The following CCDC85A variants were observed in gnomAD, a reference collection of about 807,000 sequenced individuals.
CCDC85A encodes the protein coiled-coil domain-containing protein 85A.
CCDC85A carries 38 observed loss-of-function variants against 50.2 expected under a neutral mutation model. That is an observed-to-expected ratio of 0.76 (90% CI 0.58 to 0.99). The LOEUF (loss-of-function observed/expected upper bound fraction) is 0.99, where lower values mean the gene tolerates loss of function less well. Among genes scored for constraint, CCDC85A ranks in the 50% least tolerant of loss-of-function variants. The probability of loss-of-function intolerance (pLI) is 0.00; values close to 1 mark genes in which losing one functional copy is unlikely to be tolerated. For missense variants in CCDC85A, 820 were observed against 742.0 expected (o/e 1.11, Z -1.22); for synonymous variants, 366 against 301.4 (o/e 1.21, Z -2.22).
In CCDC85A at chr2:56,184,743, CGGACGA is replaced by C; in HGVS notation, c.123_128del (p.Asp41_Glu42del). ...CCGGTGGAGGACCTGTCCAAAGTGT[CGGACGA>C]GGAGCTGCTGCAGTGGAGCAAGGAG... On this transcript the variant is annotated inframe_deletion, in exon 1 of 6. Coordinates refer to ENST00000407595, the MANE Select transcript of CCDC85A (RefSeq NM_001080433.2). 6.5e-7 allele frequency: 1 copy of C among 1,543,224 alleles called. No individual in the cohort carries two copies. Among genetic ancestry groups the C allele is most frequent in the Non-Finnish European group, 8.7e-7 (1 of 1,145,270 alleles).
chr2:56,199,114 C>G (rs997305083), intron 2 of CCDC85A, among the ~76,000 whole-genome samples: 5 of 152,086 alleles, frequency 3.3e-5, no homozygotes, highest in Non-Finnish European at 4.4e-5. Flanking sequence ...TTCATTTTAC[C>G]TGAAATTGGT....
intron 2 of CCDC85A, among the ~76,000 whole-genome samples, chr2:56,246,713 A>C (rs7576428): frequency 0.55 from 83,885 of 152,006 alleles, 23,814 homozygotes; most frequent in African/African-American, 0.67. Flanking sequence ...AATTATATTT[A>C]GTTGACCTGT....
At chr2:56,191,858 T>C (rs1349458195) in intron 1 of CCDC85A, among the ~76,000 whole-genome samples, 1 of 152,230 alleles carries the variant, frequency 6.6e-6, no homozygotes, top group Non-Finnish European at 1.5e-5. Context: ...ATATTCCATG[T>C]CAGGGCTGAA....
intron 2 of CCDC85A, among the ~76,000 whole-genome samples, chr2:56,246,221 G>A (rs1470352728): frequency 1.3e-5 from 2 of 152,096 alleles, no homozygotes; most frequent in African/African-American, 2.4e-5. Flanking sequence ...ACCACGCCCG[G>A]CCCAAGTTAT....
At chr2:56,352,875 C>G (rs1275516186) in intron 3 of CCDC85A, among the ~76,000 whole-genome samples, 1 of 152,144 alleles carries the variant, frequency 6.6e-6, no homozygotes, top group African/African-American at 2.4e-5. Flanking sequence ...CCCTTAACCT[C>G]TCTAAGCCTT....
chr2:56,263,360 A>T lies in CCDC85A; in HGVS notation c.1240+69920A>T, dbSNP rs1249029876. On this transcript the variant is annotated intron_variant, in intron 2 of 5. Transcript: ENST00000407595. ...TTAAAACTTGAATGAATGCTTGGAG[A>T]CAGGTAGAATAATTTACTTTTTGCC... 2.0e-5 allele frequency among the ~76,000 whole-genome samples: 3 copies of T among 152,214 alleles called. No homozygotes were observed. In the East Asian group the frequency reaches 5.8e-4, roughly 29 times the overall value.
chr2:56,237,894 G>A (rs1030747525), intron 2 of CCDC85A, among the ~76,000 whole-genome samples: 4 of 152,148 alleles, frequency 2.6e-5, no homozygotes, highest in Non-Finnish European at 5.9e-5. Context: ...GTAGTGCCAT[G>A]TGCTGTGTTA....
intron 2 of CCDC85A, among the ~76,000 whole-genome samples, chr2:56,286,289 T>C (rs950747838): frequency 2.6e-4 from 40 of 152,240 alleles, no homozygotes; most frequent in African/African-American, 9.6e-4. Context: ...ATTCAGCTAG[T>C]ATTTCTTCAA....
chr2:56,251,045 G>C (rs544910744), intron 2 of CCDC85A, among the ~76,000 whole-genome samples: 9 of 151,900 alleles, frequency 5.9e-5, no homozygotes, highest in African/African-American at 2.2e-4. Context: ...TACGTTTCTG[G>C]TCTGACACTT....
At chr2:56,273,326 G>T (rs1196810468) in intron 2 of CCDC85A, among the ~76,000 whole-genome samples, 1 of 152,034 alleles carries the variant, frequency 6.6e-6, no homozygotes, top group Non-Finnish European at 1.5e-5. Flanking sequence ...TTTCTAAAGG[G>T]TGCAGTGAGC....
chr2:56,284,738 C>A (rs1671355049), intron 2 of CCDC85A, among the ~76,000 whole-genome samples: 4 of 152,146 alleles, frequency 2.6e-5, no homozygotes, highest in Admixed American at 2.6e-4. Context: ...GCCTTTAGTT[C>A]TATCAGCTTC....
At chr2:56,214,276 T>C (rs1181818746) in intron 2 of CCDC85A, among the ~76,000 whole-genome samples, 3 of 151,942 alleles carry the variant, frequency 2.0e-5, no homozygotes, top group African/African-American at 7.2e-5. Flanking sequence ...TCCTACCTCA[T>C]AGGGATATTA....
chr2:56,232,297 CT>C (rs1159448440), intron 2 of CCDC85A, among the ~76,000 whole-genome samples: 8 of 152,146 alleles, frequency 5.3e-5, no homozygotes, highest in South Asian at 2.1e-4. Context: ...TATTTCCCCC[CT>C]GAGACTGCTG....
rs542924700 is a variant in CCDC85A, at chr2:56,311,457, GT to G, written c.1241-31411del. The stretch of plus-strand genomic sequence containing the variant: ...TTAAGCTAATGATCTGTTCATCGTT[GT>G]TTTTTTTTTTAATTTTATTATTATT... On this transcript the variant is annotated intron_variant, in intron 2 of 5. Transcript: ENST00000407595. Among the ~76,000 whole-genome samples the G allele has an allele frequency of 2.7e-3, 396 of 144,298 alleles. 2 individuals are homozygous for G. The highest frequency in any genetic ancestry group is 7.1e-3 in the East Asian group (35 of 4,928). The allele number at this position is 144,298 out of a possible 152,430, so 94.7% of individuals were successfully genotyped here.
chr2:56,358,208 C>T (rs1001774918), intron 3 of CCDC85A, among the ~76,000 whole-genome samples: 34 of 152,138 alleles, frequency 2.2e-4, no homozygotes, highest in African/African-American at 6.8e-4. Context: ...GGTCTGAATA[C>T]GACAGATCCC....
intron 2 of CCDC85A, among the ~76,000 whole-genome samples, chr2:56,252,262 G>A (rs1669794881): frequency 6.6e-6 from 1 of 152,038 alleles, no homozygotes; most frequent in Non-Finnish European, 1.5e-5. Flanking sequence ...TGGCCAGGCT[G>A]GTATCGAATA....
At chr2:56,230,719 T>G (rs1165909474) in intron 2 of CCDC85A, among the ~76,000 whole-genome samples, 1 of 152,232 alleles carries the variant, frequency 6.6e-6, no homozygotes, top group Non-Finnish European at 1.5e-5. Flanking sequence ...AATAACAAAA[T>G]GTCTCATTTG....
At chr2:56,238,427 A>G (rs2103958333) in intron 2 of CCDC85A, among the ~76,000 whole-genome samples, 1 of 152,152 alleles carries the variant, frequency 6.6e-6, no homozygotes, top group Admixed American at 6.5e-5. Flanking sequence ...AAAAAAAAAA[A>G]AAAAAGTGGC....
intron 2 of CCDC85A, among the ~76,000 whole-genome samples, chr2:56,301,681 G>T (rs550235415): frequency 6.6e-6 from 1 of 152,072 alleles, no homozygotes; most frequent in Non-Finnish European, 1.5e-5. Flanking sequence ...ATAAGGAATG[G>T]CTCAACAAAA....
Sources: gnomAD v4.1 joint callset for allele counts (sites outside exome capture counted in the v4.1 genomes callset) on GRCh38, gnomAD v4.1.1 for gene constraint, MANE v1.5 for transcripts, NCBI Gene and HGNC (gene_info 2026-07-23, HGNC 2026-07-21) for gene names.